Variants in RC3H2 observed in about 807,000 individuals in gnomAD.
The protein encoded by RC3H2 is roquin-2.
Under a neutral mutation model 133.3 loss-of-function variants are expected in RC3H2, and 31 were observed. The observed-to-expected ratio is 0.23, with a 90% confidence interval of 0.17 to 0.31. The LOEUF (loss-of-function observed/expected upper bound fraction) is 0.31, where lower values mean the gene tolerates loss of function less well. Ranked by LOEUF, RC3H2 falls within the 10% of genes least tolerant of loss-of-function variation. RC3H2 has a pLI of 1.00. For missense variants in RC3H2, 1,175 were observed against 1,437.2 expected, an observed-to-expected ratio of 0.82 and a Z score of 2.95; for synonymous variants, 517 against 502.2, an observed-to-expected ratio of 1.03 and a Z score of -0.40.
chr9:122,898,920 A>G (rs1318238495), intron 1 of RC3H2, among the ~76,000 whole-genome samples: 2 of 152,078 alleles, frequency 1.3e-5, no homozygotes, highest in Non-Finnish European at 2.9e-5. Context: ...TATTTAGGGC[A>G]ATCAAACAAC....
At chr9:122,867,430 G>A (rs1830753090) in intron 9 of RC3H2, among the ~76,000 whole-genome samples, 2 of 145,866 alleles carry the variant, frequency 1.4e-5, no homozygotes, top group Non-Finnish European at 3.0e-5. Context: ...ACCCCGCCCG[G>A]CCAGCCACCC....
At chr9:122,891,164 T>A (rs1056306389) in intron 3 of RC3H2, among the ~76,000 whole-genome samples, 1 of 151,668 alleles carries the variant, frequency 6.6e-6, no homozygotes. Context: ...GGATTACAGG[T>A]GAGTGTCACC....
chr9:122,877,646 AG>A lies in RC3H2; in HGVS notation c.1213-64del, dbSNP rs1226223324. 8 of 1,259,050 alleles carry A rather than the reference AG, an allele frequency of 6.4e-6. No homozygotes were observed. The Admixed American group carries it at 1.1e-4, about 17-fold the overall frequency. The allele number at this position is 1,259,050 out of a possible 1,614,324, so 78.0% of individuals were successfully genotyped here. On this transcript the variant is annotated intron_variant, in intron 8 of 20. Transcript: ENST00000357244. ...GAAGATTCCATTTGTTATTCACTCT[AG>A]GAAGTTCAGAACTTTATAATTACAC...
intron 10 of RC3H2, among the ~76,000 whole-genome samples, chr9:122,861,205 T>C (rs1203045278): frequency 6.6e-6 from 1 of 152,116 alleles, no homozygotes; most frequent in African/African-American, 2.4e-5. Context: ...AGAAGTCAAA[T>C]TTCGGCCGGG....
chr9:122,883,207 A>G lies in RC3H2; in HGVS notation c.756T>C (p.Phe252=). 6.2e-7 allele frequency: 1 copy of G among 1,610,762 alleles called. No individual in the cohort carries two copies. The highest frequency in any genetic ancestry group is 8.5e-7 in the Non-Finnish European group (1 of 1,179,128). ...VVQLLYRASC[F]KVTKRDEDSS... The stretch of plus-strand genomic sequence containing the variant: ...TACATAGATACTTACTGCTTACCTT[A>G]AAACAAGAAGCTCGATACAGTAGTT... Residue 252 remains phenylalanine (F), a synonymous_variant, in exon 5 of 21, where the codon TTT becomes TTC. Coordinates refer to ENST00000357244, the MANE Select transcript of RC3H2 (RefSeq NM_001100588.3).
chr9:122,885,510 G>A (rs1482660788), intron 4 of RC3H2, among the ~76,000 whole-genome samples: 3 of 152,138 alleles, frequency 2.0e-5, no homozygotes, highest in Admixed American at 1.3e-4. Flanking sequence ...CCAAGGTAAC[G>A]TATCTAGTTA....
At chr9:122,859,274 T>TTTTG (rs1491172398) in intron 11 of RC3H2, among the ~76,000 whole-genome samples, 172 bp from the exon 12 acceptor site, 1 of 95,460 alleles carries the variant, frequency 1.0e-5, no homozygotes, top group Admixed American at 1.1e-4. Flanking sequence ...TTTTTTTTTT[T>TTTTG]GGTAGAGACA....
At chr9:122,901,971 C>A (rs552530043) in intron 1 of RC3H2, among the ~76,000 whole-genome samples, 1 of 149,578 alleles carries the variant, frequency 6.7e-6, no homozygotes, top group Admixed American at 6.7e-5. Flanking sequence ...CTCTTGTTGC[C>A]CAGGCTGTAG....
intron 7 of RC3H2, 45 bp downstream of exon 7, chr9:122,879,948 C>A: frequency 6.2e-7 from 1 of 1,612,062 alleles, no homozygotes; most frequent in Non-Finnish European, 8.5e-7. Flanking sequence ...TTATTCACCT[C>A]AAAAGTAGAA....
At chr9:122,890,029 C>G (rs1231154949) in intron 4 of RC3H2, 2 of 574,572 alleles carry the variant, frequency 3.5e-6, no homozygotes, top group Non-Finnish European at 6.2e-6. Flanking sequence ...GTAGTCCCAG[C>G]TACTTAGGGG....
At chr9:122,897,614 A>G in intron 1 of RC3H2, 38 bp from the exon 2 acceptor site, 1 of 1,389,974 alleles carries the variant, frequency 7.2e-7, no homozygotes, top group South Asian at 1.4e-5. Context: ...CCACATATTC[A>G]TCATTCACCT....
chr9:122,855,474 A>G, intron 14 of RC3H2, 77 bp from the exon 15 acceptor site: 1 of 1,364,684 alleles, frequency 7.3e-7, no homozygotes, highest in African/African-American at 1.4e-5. Flanking sequence ...ATCAAAAGAC[A>G]TGTAATTAGG....
At position 122,854,052 on chromosome 9, in the gene RC3H2, G is replaced by A; in HGVS notation, c.3017C>T (p.Ala1006Val). The A allele has an allele frequency of 6.2e-7, 1 of 1,614,110 alleles. No individual in the cohort carries two copies. Among genetic ancestry groups the A allele is most frequent in the Non-Finnish European group, 8.5e-7 (1 of 1,180,050 alleles). The change falls in exon 18 of 21, where the codon GCC becomes GTC. Residue 1006 changes from alanine (A) to valine (V), a missense_variant. Around this residue, in one of 8 missense-constraint regions of RC3H2, gnomAD observed 138 missense variants for 215.0 expected, o/e 0.64. Coordinates refer to ENST00000357244, the MANE Select transcript of RC3H2 (RefSeq NM_001100588.3). Reference protein sequence around the residue: ...KSNSLLLQREANALAMQQKWN... With the variant: ...KSNSLLLQREVNALAMQQKWN... ...CTTCTGTTGCATGGCCAAAGCATTG[G>A]CCTCTCTCTGAAGAAGTAATGAGTT...
intron 10 of RC3H2, among the ~76,000 whole-genome samples, chr9:122,862,440 C>G (rs911353525): frequency 1.3e-5 from 2 of 152,148 alleles, no homozygotes; most frequent in African/African-American, 2.4e-5. Context: ...TCCACAAGGC[C>G]CTTCCTTCCT....
intron 1 of RC3H2, among the ~76,000 whole-genome samples, chr9:122,903,192 G>T (rs1832722794): frequency 6.6e-6 from 1 of 152,186 alleles, no homozygotes; most frequent in Non-Finnish European, 1.5e-5. Flanking sequence ...AGTAAAATTA[G>T]AGACGCTGAT....
At chr9:122,871,506 T>TGGGG (rs34377701) in intron 9 of RC3H2, among the ~76,000 whole-genome samples, 124 of 127,644 alleles carry the variant, frequency 9.7e-4, no homozygotes, top group African/African-American at 3.6e-3. Flanking sequence ...ACCGTGTTAG[T>TGGGG]GGGGGGGGGG....
chr9:122,898,099 C>CCTCA (rs1832495656), intron 1 of RC3H2: 1 of 152,212 alleles, frequency 6.6e-6, no homozygotes. Context: ...AAATCTCTGA[C>CCTCA]AAGACTTGGC....
Position 122,852,325 on chromosome 9 carries a change from G to A in RC3H2, c.3118-889C>T, listed in dbSNP as rs1293900353. Among the ~76,000 whole-genome samples, 8 of 150,748 alleles carry A rather than the reference G, an allele frequency of 5.3e-5. No individual in the cohort carries two copies. In the East Asian group the frequency reaches 1.6e-3, roughly 30 times the overall value. On this transcript the variant is annotated intron_variant, in intron 18 of 20. Transcript: ENST00000357244. ...GCAGCCGCCCCGTCTGAGAAGTGAG[G>A]AGCCTCTCTGCCTGGCAGCCACCCC...
At chr9:122,879,685 C>T in intron 8 of RC3H2, 70 bp downstream of exon 8, 9 of 1,028,798 alleles carry the variant, frequency 8.7e-6, no homozygotes, top group African/African-American at 1.6e-5. Context: ...AACAAAACAG[C>T]TGGTTAAGAT....
Sources: gnomAD v4.1 joint callset for allele counts (sites outside exome capture counted in the v4.1 genomes callset) on GRCh38, gnomAD v4.1.1 for gene constraint, gnomAD v4.1.1 regional missense constraint, MANE v1.5 for transcripts, NCBI Gene and HGNC (gene_info 2026-07-23, HGNC 2026-07-21) for gene names.